Variants in SYN2 observed in about 807,000 individuals in gnomAD.
The protein encoded by SYN2 is synapsin II, also known as synapsin-2.
A neutral mutation model predicts 50.9 loss-of-function variants in SYN2; 19 were observed. That is an observed-to-expected ratio of 0.37 (90% CI 0.26 to 0.55). The LOEUF (loss-of-function observed/expected upper bound fraction) is 0.55, where lower values mean the gene tolerates loss of function less well. SYN2 is among the 20% of genes least tolerant of loss of function. The pLI, the probability that SYN2 is intolerant of heterozygous loss-of-function variation, is 0.81. For synonymous variants in SYN2, 255 were observed against 224.9 expected, an observed-to-expected ratio of 1.13 and a Z score of -1.20; for missense variants, 587 against 576.4, an observed-to-expected ratio of 1.02 and a Z score of -0.19.
chr3:12,081,724 T>A (rs181414064), intron 1 of SYN2, among the ~76,000 whole-genome samples: 23 of 152,308 alleles, frequency 1.5e-4, no homozygotes, highest in Non-Finnish European at 1.5e-5. Flanking sequence ...ATATGCCCCC[T>A]CTTCCACCAA....
rs564811841 is a variant in SYN2 at position 12,184,535 on chromosome 3, A to G, written c.1369+1163A>G. 16 of 985,936 alleles carry G rather than the reference A, an allele frequency of 1.6e-5. No individual in the cohort carries two copies. The South Asian group carries it at 5.6e-4, about 35-fold the overall frequency. 61.1% of individuals were successfully genotyped at this position (985,936 alleles called of 1,614,324 possible). A position where few individuals can be genotyped will look rare whatever the true frequency, so the allele number is the denominator to read the frequency against. On this transcript the variant is annotated intron_variant, in intron 11 of 12. Coordinates refer to ENST00000621198, the MANE Select transcript of SYN2 (RefSeq NM_133625.6). ...TGTCACTTGAGTGGGTACACTGCCT[A>G]CAGAACCTTGAGGTTGACTCCTGCT...
chr3:12,134,944 G>C (rs1319418183), intron 1 of SYN2, among the ~76,000 whole-genome samples: 1 of 152,174 alleles, frequency 6.6e-6, no homozygotes, highest in Non-Finnish European at 1.5e-5. Context: ...TATAGTTCCA[G>C]CACCTACCAC....
At chr3:12,021,038 C>T (rs924016051) in intron 1 of SYN2, among the ~76,000 whole-genome samples, 6 of 152,106 alleles carry the variant, frequency 3.9e-5, no homozygotes, top group African/African-American at 1.4e-4. Context: ...TGTGGTTGTA[C>T]TCTAGCTATA....
intron 1 of SYN2, among the ~76,000 whole-genome samples, chr3:12,085,373 A>ACG (rs796468363): frequency 2.3e-4 from 34 of 150,178 alleles, no homozygotes; most frequent in African/African-American, 8.4e-4. Flanking sequence ...ACACACACAC[A>ACG]CACACACGCA....
At chr3:12,168,156 A>G (rs111946183) in intron 8 of SYN2, among the ~76,000 whole-genome samples, 390 of 152,308 alleles carry the variant, frequency 2.6e-3, no homozygotes, top group Non-Finnish European at 3.8e-3. Context: ...CCTTCTAGAT[A>G]TGGTGAGAAC....
rs77771258 is a variant in SYN2, at chr3:12,018,006, C to A, written c.377+13078C>A. Among the ~76,000 whole-genome samples the A allele has an allele frequency of 1.4e-3, 213 of 152,258 alleles. 1 individual carries two copies. The highest frequency in any genetic ancestry group is 4.8e-3 in the African/African-American group (201 of 41,536). ...CACATTCATGTCTCATTTAATCCTCCACACAATAGAATCTGTGGTGCAGTA... is the reference window on the plus strand; with the variant it reads ...CACATTCATGTCTCATTTAATCCTCAACACAATAGAATCTGTGGTGCAGTA... On this transcript the variant is annotated intron_variant, in intron 1 of 12. Transcript: ENST00000621198.
At position 12,187,579 on chromosome 3, in the gene SYN2, C is replaced by T; in HGVS notation, c.1580C>T (p.Pro527Leu). Reference sequence around the variant, plus strand: ...GAGGCCCAGCCACCCCTGGCTGCTCCACCACAGAAGCCCCAGCCTCACCCA... The same window carrying T: ...GAGGCCCAGCCACCCCTGGCTGCTCTACCACAGAAGCCCCAGCCTCACCCA... ...LAEAQPPLAA[P>L]PQKPQPHPQL... Residue 527 changes from proline (P) to leucine (L), a missense_variant, in exon 12 of 13, where the codon CCA becomes CTA. Physicochemically the swap from Pro to Leu is moderately conservative, Grantham distance 98. Transcript: ENST00000621198. 1.3e-6 allele frequency: 2 copies of T among 1,551,682 alleles called. No individual in the cohort carries two copies. The highest frequency in any genetic ancestry group is 1.7e-6 in the Non-Finnish European group (2 of 1,146,694).
intron 10 of SYN2, among the ~76,000 whole-genome samples, chr3:12,182,891 CTG>C (rs981490508): frequency 2.0e-5 from 3 of 152,260 alleles, no homozygotes; most frequent in Non-Finnish European, 2.9e-5. Flanking sequence ...AACCCTGTCT[CTG>C]GGGTTTGGCG....
chr3:12,106,505 G>A (rs1331545672), intron 1 of SYN2, among the ~76,000 whole-genome samples: 1 of 152,138 alleles, frequency 6.6e-6, no homozygotes, highest in Non-Finnish European at 1.5e-5. Flanking sequence ...TGGATCCTAA[G>A]AGTCTTGAGA....
chr3:12,070,200 C>G, intron 1 of SYN2: 1 of 378,086 alleles, frequency 2.6e-6, no homozygotes. Flanking sequence ...TACTGCTCTG[C>G]CGCCCTGCTC....
chr3:12,107,713 G>A (rs186093628), intron 1 of SYN2, among the ~76,000 whole-genome samples: 125 of 152,244 alleles, frequency 8.2e-4, no homozygotes, highest in Non-Finnish European at 1.6e-3. Context: ...AGACTAGCCT[G>A]GGCAACATAG....
chr3:12,090,002 G>T (rs946516843), intron 1 of SYN2, among the ~76,000 whole-genome samples: 3 of 152,150 alleles, frequency 2.0e-5, no homozygotes, highest in Admixed American at 1.3e-4. Context: ...GCACTAGGTA[G>T]CCCTGAAAGC....
intron 1 of SYN2, among the ~76,000 whole-genome samples, chr3:12,082,693 A>C (rs1695608610): frequency 1.3e-5 from 2 of 152,220 alleles, no homozygotes; most frequent in African/African-American, 2.4e-5. Context: ...CTGTTATTCA[A>C]ATCTGGGGCT....
At chr3:12,163,301 A>ATTAT (rs146888519) in intron 7 of SYN2, among the ~76,000 whole-genome samples, 6,863 of 151,830 alleles carry the variant, frequency 0.045, 204 homozygotes, top group Non-Finnish European at 0.066. Context: ...AAGAAAGAAC[A>ATTAT]TTATTAATAT....
chr3:12,165,355 A>G (rs1697758097), intron 7 of SYN2: 1 of 152,256 alleles, frequency 6.6e-6, no homozygotes. Context: ...CCATGAAGTC[A>G]TTCAAAATTT....
In SYN2 at chr3:12,183,392, C is replaced by A. The variant is rs75781718; in HGVS notation, c.1369+20C>A. ...CTCAAGGTTGTTTACAGTATATTCT[C>A]GACTGTAATGGCATTGCAGTAGGGC... On this transcript the variant is annotated intron_variant, in intron 11 of 12. Coordinates refer to ENST00000621198, the MANE Select transcript of SYN2 (RefSeq NM_133625.6). The A allele has an allele frequency of 6.2e-7, 1 of 1,613,696 alleles. No homozygotes were observed. The highest frequency in any genetic ancestry group is 8.5e-7 in the Non-Finnish European group (1 of 1,179,836).
At chr3:12,013,454 C>G (rs1365369745) in intron 1 of SYN2, among the ~76,000 whole-genome samples, 1 of 152,182 alleles carries the variant, frequency 6.6e-6, no homozygotes, top group Non-Finnish European at 1.5e-5. Flanking sequence ...TAAGTACAAT[C>G]AGTTCCCTAA....
Position 12,190,726 on chromosome 3 carries a change from C to T in SYN2, c.*101C>T, listed in dbSNP as rs904934953. On this transcript the variant is annotated 3_prime_UTR_variant, in exon 13 of 13. Coordinates refer to ENST00000621198, the MANE Select transcript of SYN2 (RefSeq NM_133625.6). The stretch of plus-strand genomic sequence containing the variant: ...TGGTGGTTATGTCCCATGACCTTGA[C>T]GTGTGTGGTCCCTTCCTCTGCTCTG... 22 of 1,515,312 alleles carry T rather than the reference C, an allele frequency of 1.5e-5. No individual in the cohort carries two copies. The highest frequency in any genetic ancestry group is 8.4e-5 in the African/African-American group (6 of 71,856). The allele number at this position is 1,515,312 out of a possible 1,614,324, so 93.9% of individuals were successfully genotyped here.
intron 5 of SYN2, among the ~76,000 whole-genome samples, chr3:12,155,695 G>C (rs1697434623): frequency 6.6e-6 from 1 of 152,174 alleles, no homozygotes; most frequent in Non-Finnish European, 1.5e-5. Flanking sequence ...ACTTTTCTTA[G>C]ACTATTTTTT....
Sources: gnomAD v4.1 joint callset for allele counts (sites outside exome capture counted in the v4.1 genomes callset) on GRCh38, gnomAD v4.1.1 for gene constraint, MANE v1.5 for transcripts, NCBI Gene and HGNC (gene_info 2026-07-23, HGNC 2026-07-21) for gene names.